Variants in DMBX1 observed in about 807,000 individuals in gnomAD.
DMBX1 encodes the protein diencephalon/mesencephalon homeobox 1, also known as diencephalon/mesencephalon homeobox protein 1.
A neutral mutation model predicts 30.4 loss-of-function variants in DMBX1; 7 were observed. The observed-to-expected ratio is 0.23, with a 90% CI of 0.13 to 0.43. The LOEUF (loss-of-function observed/expected upper bound fraction) is 0.43, where lower values mean the gene tolerates loss of function less well. Among genes scored for constraint, DMBX1 ranks in the 20% least tolerant of loss-of-function variants. The pLI is 1.00. For missense variants in DMBX1, 460 were observed against 508.5 expected (o/e 0.90, Z 0.92); for synonymous variants, 222 against 214.2 (o/e 1.04, Z -0.32).
At chr1:46,502,432 A>C (rs76050909) in intron 2 of DMBX1, among the ~76,000 whole-genome samples, 4,037 of 151,996 alleles carry the variant, frequency 0.027, 168 homozygotes, top group African/African-American at 0.092. Context: ...TACCTTCAAA[A>C]TACCAGAATC....
chr1:46,510,576 C>T lies in DMBX1; in HGVS notation c.255C>T (p.Phe85=). The T allele has an allele frequency of 6.2e-7, 1 of 1,614,168 alleles. No homozygotes were observed. The highest frequency in any genetic ancestry group is 8.5e-7 in the Non-Finnish European group (1 of 1,180,032). ...AGCTCGAGGCCCTGGAAAAGACCTT[C>T]CAGAAGACTCACTACCCAGATGTGG... ...AQQLEALEKT[F]QKTHYPDVVM... is the part of the protein sequence containing the mutation. Residue 85 remains phenylalanine, a synonymous_variant, in exon 4 of 6, where the codon TTC becomes TTT. Coordinates refer to ENST00000360032, the MANE Select transcript of DMBX1 (RefSeq NM_172225.2). This position sits in a 1 kb window ranked among gnomAD's most constrained non-coding sequence, Gnocchi z 4.1.
Position 46,492,294 on chromosome 1 carries a change from C to G in DMBX1, c.-13+1511C>G, listed in dbSNP as rs144309071. On this transcript the variant is annotated intron_variant, in intron 2 of 5. Coordinates refer to ENST00000360032, the MANE Select transcript of DMBX1 (RefSeq NM_172225.2). ...CCTGTCCTAGCCACTTTCACATGCA[C>G]AACCCCAAGTGGTCAGGAAATTTGA... 1.3e-4 allele frequency among the ~76,000 whole-genome samples: 20 copies of G among 152,370 alleles called. No individual in the cohort carries two copies. In the East Asian group the frequency reaches 3.5e-3, roughly 26 times the overall value.
chr1:46,509,227 C>T (rs12567650), intron 3 of DMBX1, among the ~76,000 whole-genome samples: 1 of 152,244 alleles, frequency 6.6e-6, no homozygotes, highest in East Asian at 1.9e-4. Context: ...GGCCCACCAC[C>T]ACGCTCAGCT....
chr1:46,506,459 T>G (rs1378523887), intron 2 of DMBX1, among the ~76,000 whole-genome samples: 1 of 152,192 alleles, frequency 6.6e-6, no homozygotes, highest in Non-Finnish European at 1.5e-5. Context: ...AAGTAATAAG[T>G]GTGTGAGTGA....
chr1:46,501,835 A>G (rs545526614), intron 2 of DMBX1, among the ~76,000 whole-genome samples: 3 of 152,184 alleles, frequency 2.0e-5, no homozygotes, highest in African/African-American at 7.2e-5. Context: ...TTTTATTCCT[A>G]AGTAAGAGTT....
intron 2 of DMBX1, among the ~76,000 whole-genome samples, chr1:46,499,242 G>A (rs928650231): frequency 6.6e-6 from 1 of 152,082 alleles, no homozygotes; most frequent in African/African-American, 2.4e-5. Flanking sequence ...TCACCTTGTT[G>A]GCCAGGCTGG....
chr1:46,512,197 G>A lies in DMBX1; in HGVS notation c.837G>A (p.Ser279=), dbSNP rs747278905. ...CCACCAACAACCTGGTGCACTACTC[G>A]TCCTTCGAAGTAGGGGGTCCGGCCC... The part of the protein sequence containing the change: ...MAATNNLVHY[S]SFEVGGPAPA... The change falls in exon 6 of 6, where the codon TCG becomes TCA. Residue 279 remains serine (S), a synonymous_variant. Coordinates refer to ENST00000360032, the MANE Select transcript of DMBX1 (RefSeq NM_172225.2). This position sits in a 1 kb window ranked among gnomAD's most constrained non-coding sequence, Gnocchi z 4.8. The A allele has an allele frequency of 1.3e-5, 21 of 1,613,886 alleles. No homozygotes were observed. In the East Asian group the frequency reaches 1.8e-4, roughly 14 times the overall value.
At position 46,512,196 on chromosome 1, in the gene DMBX1, C is replaced by T. The variant is rs1033990359; in HGVS notation, c.836C>T (p.Ser279Leu). The T allele has an allele frequency of 6.2e-6, 10 of 1,614,052 alleles. No homozygotes were observed. The highest frequency in any genetic ancestry group is 4.5e-5 in the East Asian group (2 of 44,868). ...MAATNNLVHYSSFEVGGPAPA... is the reference protein window; with the variant it reads ...MAATNNLVHYLSFEVGGPAPA... ...GCCACCAACAACCTGGTGCACTACTCGTCCTTCGAAGTAGGGGGTCCGGCC... is the reference window on the plus strand; with the variant it reads ...GCCACCAACAACCTGGTGCACTACTTGTCCTTCGAAGTAGGGGGTCCGGCC... The change falls in exon 6 of 6, where the codon TCG becomes TTG. Residue 279 changes from serine (S) to leucine (L), a missense_variant. Physicochemically the swap from Ser to Leu is moderately radical, Grantham distance 145. Transcript: ENST00000360032. This position sits in a 1 kb window ranked among gnomAD's most constrained non-coding sequence, Gnocchi z 4.8.
In DMBX1 at chr1:46,501,272, C is replaced by CTTTCTTTCTT. The variant is rs1557786162; in HGVS notation, c.-12-5725_-12-5724insTCTTTCTTTT. 7.5e-4 allele frequency among the ~76,000 whole-genome samples: 63 copies of CTTTCTTTCTT among 83,936 alleles called. 1 individual carries two copies. Among genetic ancestry groups the CTTTCTTTCTT allele is most frequent in the South Asian group, 1.3e-3 (3 of 2,248 alleles). 55.1% of individuals were successfully genotyped at this position (83,936 alleles called of 152,430 possible). A position where few individuals can be genotyped will look rare whatever the true frequency, so the allele number is the denominator to read the frequency against. ...TTTCTTTCTTTCTTTCTTTCTTTCT[C>CTTTCTTTCTT]TTCTTTCTTTCTTTCCTTCTCTCTT... On this transcript the variant is annotated intron_variant, in intron 2 of 5. Transcript: ENST00000360032.
Position 46,513,731 on chromosome 1 carries a change from A to G in DMBX1, c.*1237A>G, listed in dbSNP as rs1186745539. On this transcript the variant is annotated 3_prime_UTR_variant, in exon 6 of 6. Transcript: ENST00000360032. The stretch of plus-strand genomic sequence containing the variant: ...ACTGTCCAAGGCAGGGGTACGGCTG[A>G]CCAGGAATGAAGGTTGAACTCTGCT... 6.6e-6 allele frequency: 1 copy of G among 152,320 alleles called. No individual in the cohort carries two copies. 9.4% of individuals were successfully genotyped at this position (152,320 alleles called of 1,614,324 possible).
chr1:46,495,246 G>T (rs1666006279), intron 2 of DMBX1, among the ~76,000 whole-genome samples: 1 of 152,214 alleles, frequency 6.6e-6, no homozygotes, highest in African/African-American at 2.4e-5. Context: ...CGCTCAACAG[G>T]CAGTGGCTCC....
Position 46,491,026 on chromosome 1 carries a change from G to A in DMBX1, c.-13+243G>A, listed in dbSNP as rs1665919378. Among the ~76,000 whole-genome samples, 1 of 152,248 alleles carries A rather than the reference G, an allele frequency of 6.6e-6. No homozygotes were observed. Among genetic ancestry groups the A allele is most frequent in the African/African-American group, 2.4e-5 (1 of 41,466 alleles). On this transcript the variant is annotated intron_variant, in intron 2 of 5. Coordinates refer to ENST00000360032, the MANE Select transcript of DMBX1 (RefSeq NM_172225.2). The surrounding 1 kb of genome is among the most constrained non-coding windows in gnomAD (Gnocchi z 5.5). ...AGTCGTTGACGGCGACAGGCCAGGGGCCCTGATGGACTGTGCAGGGTCCCG... is the reference window on the plus strand; with the variant it reads ...AGTCGTTGACGGCGACAGGCCAGGGACCCTGATGGACTGTGCAGGGTCCCG...
intron 2 of DMBX1, among the ~76,000 whole-genome samples, chr1:46,505,580 T>A (rs1666217671): frequency 6.7e-6 from 1 of 148,788 alleles, no homozygotes; most frequent in Non-Finnish European, 1.5e-5. Flanking sequence ...AAGGGGAATA[T>A]CACACTCTGG....
In DMBX1 at chr1:46,512,624, T is replaced by A; in HGVS notation, c.*130T>A. ...TAGGGCCTGGGGTCCTGTTCCCTGC[T>A]CCGCTTCCCCATACCCCAGCCCGAG... is the stretch of plus-strand genomic sequence containing the variant. On this transcript the variant is annotated 3_prime_UTR_variant, in exon 6 of 6. Transcript: ENST00000360032. The surrounding 1 kb of genome is among the most constrained non-coding windows in gnomAD (Gnocchi z 4.8). 1 of 1,034,664 alleles carries A rather than the reference T, an allele frequency of 9.7e-7. No individual in the cohort carries two copies. The highest frequency in any genetic ancestry group is 1.4e-6 in the Non-Finnish European group (1 of 730,120). 64.1% of individuals were successfully genotyped at this position (1,034,664 alleles called of 1,614,324 possible).
intron 3 of DMBX1, among the ~76,000 whole-genome samples, chr1:46,508,684 C>CA (rs938903682): frequency 6.6e-6 from 1 of 152,180 alleles, no homozygotes; most frequent in Non-Finnish European, 1.5e-5. Context: ...AGCCCACCCC[C>CA]AACTCTCTAA....
rs554137653 is a variant in DMBX1 at position 46,505,940 on chromosome 1, G to A, written c.-12-1059G>A. On this transcript the variant is annotated intron_variant, in intron 2 of 5. Transcript: ENST00000360032. Reference sequence around the variant, plus strand: ...GTCATTCTTGGCCTGCTTGCTTCTTGGAGATATGGTGAGAATAAAGGGAGG... The same window carrying A: ...GTCATTCTTGGCCTGCTTGCTTCTTAGAGATATGGTGAGAATAAAGGGAGG... 3.3e-5 allele frequency among the ~76,000 whole-genome samples: 5 copies of A among 152,236 alleles called. No individual in the cohort carries two copies. In the East Asian group the frequency reaches 9.6e-4, roughly 29 times the overall value.
chr1:46,496,675 C>T (rs1022415790), intron 2 of DMBX1, among the ~76,000 whole-genome samples: 1 of 152,206 alleles, frequency 6.6e-6, no homozygotes, highest in Non-Finnish European at 1.5e-5. Flanking sequence ...TACACATGAA[C>T]GAATCCCTCC....
At position 46,512,307 on chromosome 1, in the gene DMBX1, A is replaced by T. The variant is rs1382154270; in HGVS notation, c.947A>T (p.Tyr316Phe). Residue 316 changes from tyrosine to phenylalanine, a missense_variant, in exon 6 of 6, where the codon TAC becomes TTC. Physicochemically the swap from Tyr to Phe is conservative, Grantham distance 22. Transcript: ENST00000360032. The surrounding 1 kb of genome is among the most constrained non-coding windows in gnomAD (Gnocchi z 4.8). ...GGCTCACTGCACTGCCAGTCCTACTACCAGTCCCTGTCAGCAGCCGCTGCT... is the reference window on the plus strand; with the variant it reads ...GGCTCACTGCACTGCCAGTCCTACTTCCAGTCCCTGTCAGCAGCCGCTGCT... ...PLGSLHCQSYYQSLSAAAAAH... is the reference protein window; with the variant it reads ...PLGSLHCQSYFQSLSAAAAAH... 6.2e-7 allele frequency: 1 copy of T among 1,613,474 alleles called. No individual in the cohort carries two copies. Among genetic ancestry groups the T allele is most frequent in the Admixed American group, 1.7e-5 (1 of 59,994 alleles).
At chr1:46,502,328 T>C (rs1666151903) in intron 2 of DMBX1, among the ~76,000 whole-genome samples, 1 of 151,190 alleles carries the variant, frequency 6.6e-6, no homozygotes, top group African/African-American at 2.4e-5. Context: ...CCATCTTCAC[T>C]CAGCTGTTCA....
Sources: allele counts gnomAD v4.1 joint callset (sites outside exome capture counted in the v4.1 genomes callset), GRCh38; gene constraint gnomAD v4.1.1; non-coding constraint Gnocchi (gnomAD v3.1); transcripts MANE v1.5; gene names NCBI Gene and HGNC (gene_info 2026-07-23, HGNC 2026-07-21).